Variants in SNTG1 observed in about 807,000 individuals in gnomAD.
The protein encoded by SNTG1 is syntrophin gamma 1.
SNTG1 carries 39 observed loss-of-function variants against 74.7 expected under a neutral mutation model. The ratio of observed to expected loss-of-function variants is 0.52; its 90% CI spans 0.40 to 0.68. SNTG1 has a LOEUF of 0.68. SNTG1 is among the 30% of genes least tolerant of loss of function. The pLI is 0.00. For missense variants in SNTG1, 685 were observed against 609.5 expected (o/e 1.12, Z -1.30); for synonymous variants, 254 against 217.1 (o/e 1.17, Z -1.49).
At chr8:50,420,129 G>A (rs1259620907) in intron 4 of SNTG1, among the ~76,000 whole-genome samples, 2 of 152,066 alleles carry the variant, frequency 1.3e-5, no homozygotes, top group African/African-American at 4.8e-5. Context: ...CATAAAGGCT[G>A]AAATTTTTCA....
intron 1 of SNTG1, among the ~76,000 whole-genome samples, chr8:49,995,821 T>G: frequency 6.6e-6 from 1 of 152,238 alleles, no homozygotes; most frequent in African/African-American, 2.4e-5. Context: ...CATTTTACTC[T>G]GTCACTTACA....
chr8:50,200,951 C>T (rs1244038358), intron 2 of SNTG1, among the ~76,000 whole-genome samples: 2 of 152,080 alleles, frequency 1.3e-5, no homozygotes, highest in Non-Finnish European at 2.9e-5. Context: ...TTAATTTATT[C>T]CCCTAAATCA....
chr8:50,237,744 G>A (rs2085978923), intron 2 of SNTG1, among the ~76,000 whole-genome samples: 2 of 151,932 alleles, frequency 1.3e-5, no homozygotes, highest in African/African-American at 2.4e-5. Flanking sequence ...TGGCCAATAA[G>A]AACTTCTTCA....
At chr8:50,156,924 G>A (rs1020947597) in intron 1 of SNTG1, among the ~76,000 whole-genome samples, 3 of 152,140 alleles carry the variant, frequency 2.0e-5, no homozygotes, top group African/African-American at 4.8e-5. Context: ...TGTGTGAAAT[G>A]TAAAATGGTA....
intron 1 of SNTG1, among the ~76,000 whole-genome samples, chr8:50,125,416 C>A (rs928748265): frequency 1.4e-5 from 2 of 141,996 alleles, no homozygotes; most frequent in Admixed American, 7.2e-5. Context: ...TTGTCCAATA[C>A]CATTTTTGTT....
chr8:50,319,263 C>A (rs1262589310), intron 2 of SNTG1, among the ~76,000 whole-genome samples: 1 of 152,096 alleles, frequency 6.6e-6, no homozygotes, highest in Non-Finnish European at 1.5e-5. Flanking sequence ...ACTCAGGAGG[C>A]TGAGGCAGGA....
At chr8:50,515,212 C>G (rs1430532931) in intron 9 of SNTG1, among the ~76,000 whole-genome samples, 1 of 151,702 alleles carries the variant, frequency 6.6e-6, no homozygotes, top group Non-Finnish European at 1.5e-5. Flanking sequence ...AGCAATAAAA[C>G]AAGACACACA....
intron 18 of SNTG1, among the ~76,000 whole-genome samples, chr8:50,791,121 T>A (rs928552360): frequency 6.6e-6 from 1 of 151,920 alleles, no homozygotes; most frequent in African/African-American, 2.4e-5. Context: ...AGAAAGTATT[T>A]AAAATGTGTT....
At chr8:50,676,958 C>T (rs1451121878) in intron 15 of SNTG1, among the ~76,000 whole-genome samples, 1 of 151,884 alleles carries the variant, frequency 6.6e-6, no homozygotes, top group Non-Finnish European at 1.5e-5. Context: ...CAAAAGCTAT[C>T]TAATTCTGTT....
intron 17 of SNTG1, among the ~76,000 whole-genome samples, chr8:50,715,849 T>C (rs2095473723): frequency 6.6e-6 from 1 of 152,210 alleles, no homozygotes; most frequent in African/African-American, 2.4e-5. Flanking sequence ...AAAATAATTA[T>C]GATTTACAAT....
chr8:49,956,343 T>C (rs969722274), intron 1 of SNTG1, among the ~76,000 whole-genome samples: 13 of 152,216 alleles, frequency 8.5e-5, no homozygotes, highest in South Asian at 4.1e-4. Flanking sequence ...AGTATCCAAA[T>C]TGACAAAATC....
intron 8 of SNTG1, among the ~76,000 whole-genome samples, chr8:50,463,078 G>A (rs1434432357): frequency 6.6e-6 from 1 of 152,122 alleles, no homozygotes; most frequent in Non-Finnish European, 1.5e-5. Context: ...GCTTCCCAAA[G>A]TGCTGGGATT....
chr8:50,728,355 T>C (rs2095505120), intron 17 of SNTG1, among the ~76,000 whole-genome samples: 1 of 152,162 alleles, frequency 6.6e-6, no homozygotes, highest in South Asian at 2.1e-4. Flanking sequence ...CCTCTTTTGT[T>C]GTACAATGGT....
chr8:50,007,402 A>T (rs978834744), intron 1 of SNTG1, among the ~76,000 whole-genome samples: 21 of 151,918 alleles, frequency 1.4e-4, no homozygotes, highest in African/African-American at 5.1e-4. Context: ...GAGGAGGGAG[A>T]GATAGTTTTC....
intron 8 of SNTG1, among the ~76,000 whole-genome samples, chr8:50,474,139 C>G (rs1178787953): frequency 1.3e-5 from 2 of 151,920 alleles, no homozygotes; most frequent in Admixed American, 6.6e-5. Context: ...AAAACCTAGG[C>G]AATACCATTC....
In SNTG1 at chr8:50,136,626, A is replaced by T. The variant is rs187417270; in HGVS notation, c.-102-35935A>T. Among the ~76,000 whole-genome samples, 266 of 152,258 alleles carry T rather than the reference A, an allele frequency of 1.7e-3. 2 individuals are homozygous for T. The highest frequency in any genetic ancestry group is 6.0e-3 in the African/African-American group (249 of 41,562). The stretch of plus-strand genomic sequence containing the variant: ...GTGACCCCACCCACACCTGCTACTG[A>T]TAGCCAGGTGGGCAATGCCTGCTAT... On this transcript the variant is annotated intron_variant, in intron 1 of 18. Transcript: ENST00000642720.
chr8:50,151,833 T>C (rs1477135731), intron 1 of SNTG1, among the ~76,000 whole-genome samples: 3 of 152,214 alleles, frequency 2.0e-5, no homozygotes, highest in Non-Finnish European at 4.4e-5. Flanking sequence ...CTTCCAACTA[T>C]GTTGTCAATT....
intron 1 of SNTG1, among the ~76,000 whole-genome samples, chr8:49,970,293 G>A (rs1811542371): frequency 6.6e-6 from 1 of 152,078 alleles, no homozygotes; most frequent in Admixed American, 6.6e-5. Context: ...CCACTGGGTA[G>A]TGCTGCAAAC....
intron 1 of SNTG1, among the ~76,000 whole-genome samples, chr8:50,089,409 A>G (rs2079625908): frequency 6.6e-6 from 1 of 150,386 alleles, no homozygotes; most frequent in Non-Finnish European, 1.5e-5. Context: ...GACAAATGGG[A>G]TCTAATTAAA....
Sources: allele counts gnomAD v4.1 joint callset (sites outside exome capture counted in the v4.1 genomes callset), GRCh38; gene constraint gnomAD v4.1.1; transcripts MANE v1.5; gene names NCBI Gene and HGNC (gene_info 2026-07-23, HGNC 2026-07-21).